Variants in FMO5 observed in about 807,000 individuals in gnomAD.
FMO5 encodes the protein flavin containing dimethylaniline monoxygenase 5.
FMO5 carries 51 observed loss-of-function variants against 43.6 expected under a neutral mutation model. That is an observed-to-expected ratio of 1.17 (90% CI 0.93 to 1.48). The LOEUF is 1.48. Ranked by LOEUF, FMO5 falls within the 40% of genes most tolerant of loss-of-function variation. The probability of loss-of-function intolerance (pLI) is 0.00; values close to 1 mark genes in which losing one functional copy is unlikely to be tolerated. For missense variants in FMO5, 644 were observed against 643.0 expected (o/e 1.00, Z -0.02); for synonymous variants, 187 against 216.5 (o/e 0.86, Z 1.20).
upstream of FMO5, chr1:147,225,843 C>A (rs1663933569): frequency 6.6e-6 from 1 of 152,146 alleles, no homozygotes; most frequent in South Asian, 2.1e-4. Flanking sequence ...TCGGCAGACT[C>A]GCGTCTTAAG....
Position 147,223,165 on chromosome 1 carries a change from C to T in FMO5, c.135+1730G>A, listed in dbSNP as rs12038539. Among the ~76,000 whole-genome samples, 1,728 of 152,258 alleles carry T rather than the reference C, an allele frequency of 0.011. 98 individuals are homozygous for T. In the East Asian group the frequency reaches 0.17, roughly 15 times the overall value. On this transcript the variant is annotated intron_variant, in intron 2 of 8. Transcript: ENST00000254090. Reference sequence around the variant, plus strand: ...GTAGGTGACAGAAATAAGGTTTGAGCCTAAGACTGCATTCTTAACCTCCAT... The same window carrying T: ...GTAGGTGACAGAAATAAGGTTTGAGTCTAAGACTGCATTCTTAACCTCCAT...
chr1:147,207,411 A>T (rs1457245812), intron 6 of FMO5, among the ~76,000 whole-genome samples: 2 of 152,198 alleles, frequency 1.3e-5, no homozygotes, highest in African/African-American at 4.8e-5. Context: ...AGTTGGAGGG[A>T]AAATAAATTT....
intron 6 of FMO5, chr1:147,204,760 TTGA>T: frequency 6.5e-7 from 1 of 1,548,812 alleles, no homozygotes; most frequent in South Asian, 1.1e-5. Context: ...CTCCAAGTGG[TTGA>T]TAACCATTTT....
At chr1:147,194,112 A>G (rs1553919176) in intron 7 of FMO5, among the ~76,000 whole-genome samples, 1 of 152,074 alleles carries the variant, frequency 6.6e-6, no homozygotes, top group African/African-American at 2.4e-5. Context: ...TGGGGTGTTA[A>G]AGTCTCCCAT....
chr1:147,218,935 C>G (rs115994542), intron 2 of FMO5, among the ~76,000 whole-genome samples: 1 of 152,176 alleles, frequency 6.6e-6, no homozygotes, highest in African/African-American at 2.4e-5. Context: ...TCCCAAAACT[C>G]TCTGTTCATA....
rs1658904261 is a variant in FMO5 at position 147,201,202 on chromosome 1, A to G, written c.1133T>C (p.Ile378Thr). ...IIGLIQPLGAIMPISELQGRW... is the reference protein window; with the variant it reads ...IIGLIQPLGATMPISELQGRW... ...TCCTTGGAGCTCTGAAATGGGCATAATGGCTCCTAAGGGCTGAATCAAGCC... is the reference window on the plus strand; with the variant it reads ...TCCTTGGAGCTCTGAAATGGGCATAGTGGCTCCTAAGGGCTGAATCAAGCC... The change falls in exon 7 of 9, where the codon ATT becomes ACT. Residue 378 changes from isoleucine to threonine, a missense_variant. Transcript: ENST00000254090. 6.2e-7 allele frequency: 1 copy of G among 1,614,026 alleles called. No individual in the cohort carries two copies. The highest frequency in any genetic ancestry group is 1.1e-5 in the South Asian group (1 of 91,088).
chr1:147,213,719 A>G (rs1424233507), intron 3 of FMO5, among the ~76,000 whole-genome samples: 4 of 152,200 alleles, frequency 2.6e-5, no homozygotes, highest in Admixed American at 6.5e-5. Flanking sequence ...AGTGCAAGTC[A>G]CCAGGTCTCT....
chr1:147,203,528 A>T (rs1659425808), intron 6 of FMO5: 2 of 899,046 alleles, frequency 2.2e-6, no homozygotes, highest in South Asian at 2.6e-5. Flanking sequence ...TAAAGTTTAG[A>T]GATTACTTCA....
intron 7 of FMO5, among the ~76,000 whole-genome samples, chr1:147,197,065 G>C (rs1161839738): frequency 6.6e-6 from 1 of 152,100 alleles, no homozygotes; most frequent in Non-Finnish European, 1.5e-5. Flanking sequence ...TCTCCAACTT[G>C]TACCTTAAAT....
At chr1:147,202,153 T>G (rs138586329) in intron 6 of FMO5, among the ~76,000 whole-genome samples, 3 of 152,276 alleles carry the variant, frequency 2.0e-5, no homozygotes, top group South Asian at 2.1e-4. Flanking sequence ...TGAATTATCT[T>G]GGTATACTTC....
Position 147,201,234 on chromosome 1 carries a change from T to C in FMO5, c.1101A>G (p.Ala367=), listed in dbSNP as rs782128159. 5 of 1,614,070 alleles carry C rather than the reference T, an allele frequency of 3.1e-6. No individual in the cohort carries two copies. The African/African-American group carries it at 5.3e-5, about 17-fold the overall frequency. Residue 367 remains alanine (A), a synonymous_variant, in exon 7 of 9, where the codon GCA becomes GCG. Coordinates refer to ENST00000254090, the MANE Select transcript of FMO5 (RefSeq NM_001461.4). ...CTAAGGGCTGAATCAAGCCTATGAT[T>C]GCAAGAGTTGGCCTTTCCAGGTTAG... is the stretch of plus-strand genomic sequence containing the variant. The part of the protein sequence containing the change: ...FPPNLERPTL[A]IIGLIQPLGA...
At chr1:147,203,438 C>G (rs56047816) in intron 6 of FMO5, 9 of 843,548 alleles carry the variant, frequency 1.1e-5, no homozygotes, top group Non-Finnish European at 1.9e-5. Flanking sequence ...AGAACACCAG[C>G]TTCCAACATG....
rs1553927282 is a variant in FMO5, at chr1:147,224,990, T to G, written c.40A>C (p.Ser14Arg). The G allele has an allele frequency of 6.2e-7, 1 of 1,613,890 alleles. No individual in the cohort carries two copies. The highest frequency in any genetic ancestry group is 1.3e-5 in the African/African-American group (1 of 74,966). ...KRIAVIGGGV[S>R]GLSSIKCCVE... ...CAGCACTTGATGGAAGAGAGCCCGC[T>G]CACTCCTCCCCCAATCACAGCAATT... Residue 14 changes from serine to arginine, a missense_variant, in exon 2 of 9, where the codon AGC (serine) becomes CGC (arginine). Coordinates refer to ENST00000254090, the MANE Select transcript of FMO5 (RefSeq NM_001461.4).
intron 6 of FMO5, among the ~76,000 whole-genome samples, chr1:147,203,114 CT>C (rs142319990): frequency 2.7e-5 from 4 of 147,740 alleles, no homozygotes; most frequent in Admixed American, 6.7e-5. Flanking sequence ...CAAAGGTTTC[CT>C]TTTTTTTTTT....
At chr1:147,213,588 T>C (rs942498749) in intron 3 of FMO5, 118 bp from the exon 4 acceptor site, 93 of 790,288 alleles carry the variant, frequency 1.2e-4, no homozygotes, top group Non-Finnish European at 1.1e-4. Flanking sequence ...GCAGGGATAT[T>C]TGATTTTCAT....
At chr1:147,224,785 C>G in intron 2 of FMO5, 110 bp downstream of exon 2, 2 of 1,001,374 alleles carry the variant, frequency 2.0e-6, no homozygotes, top group Non-Finnish European at 3.1e-6. Flanking sequence ...GCTAGGATTA[C>G]AGGCGTGTGC....
intron 6 of FMO5, among the ~76,000 whole-genome samples, chr1:147,205,252 C>T (rs1382556664): frequency 6.6e-6 from 1 of 152,170 alleles, no homozygotes; most frequent in Non-Finnish European, 1.5e-5. Context: ...TTAGGAAACA[C>T]AGTTTCCAAA....
intron 8 of FMO5, among the ~76,000 whole-genome samples, chr1:147,188,331 C>G (rs587667342): frequency 6.6e-6 from 1 of 151,886 alleles, no homozygotes; most frequent in African/African-American, 2.4e-5. Context: ...CGAGATCAGC[C>G]TGGGCAACAT....
chr1:147,204,154 C>T, intron 6 of FMO5: 1 of 1,112,462 alleles, frequency 9.0e-7, no homozygotes, highest in East Asian at 2.3e-5. Flanking sequence ...CTTCATCAGT[C>T]TTTATCAACA....
Sources: gnomAD v4.1 joint callset for allele counts (sites outside exome capture counted in the v4.1 genomes callset) on GRCh38, gnomAD v4.1.1 for gene constraint, MANE v1.5 for transcripts, NCBI Gene and HGNC (gene_info 2026-07-23, HGNC 2026-07-21) for gene names.